The following GPHN variants were observed in gnomAD, a reference collection of about 807,000 sequenced individuals.
GPHN encodes gephyrin.
In GPHN, 17 loss-of-function variants were observed where a neutral mutation model predicts 95.5. The observed-to-expected ratio is 0.18, with a 90% CI of 0.12 to 0.27. The LOEUF (loss-of-function observed/expected upper bound fraction) is 0.27. GPHN is among the 10% of genes least tolerant of loss of function. GPHN has a pLI of 1.00. For synonymous variants in GPHN, 320 were observed against 322.5 expected, an observed-to-expected ratio of 0.99 and a Z score of 0.08; for missense variants, 660 against 978.1, an observed-to-expected ratio of 0.67 and a Z score of 4.34.
At chr14:67,040,357 C>T (rs149163786) in intron 10 of GPHN, among the ~76,000 whole-genome samples, 1,838 of 152,112 alleles carry the variant, frequency 0.012, 19 homozygotes, top group Non-Finnish European at 0.018. Flanking sequence ...TGCCTCTTTA[C>T]CCCTAAATAA....
At chr14:66,989,388 A>G (rs940341306) in intron 9 of GPHN, among the ~76,000 whole-genome samples, 5 of 152,148 alleles carry the variant, frequency 3.3e-5, no homozygotes, top group Admixed American at 6.5e-5. Context: ...TTTCTTTTCA[A>G]TGAAACTGAG....
At chr14:67,668,419 G>T in the GPHN span, among the ~76,000 whole-genome samples, 1 of 152,210 alleles carries the variant, frequency 6.6e-6, no homozygotes, top group African/African-American at 2.4e-5. Context: ...ATTGTCTCTA[G>T]TATCATTCAA....
intron 1 of GPHN, among the ~76,000 whole-genome samples, chr14:66,536,540 G>GTTATTTGAT (rs2059152995): frequency 6.3e-5 from 5 of 79,984 alleles, no homozygotes; most frequent in Admixed American, 4.9e-4. Context: ...ATTTTTGTCA[G>GTTATTTGAT]ATTTTGTTAT....
the GPHN span, among the ~76,000 whole-genome samples, chr14:67,431,837 C>T: frequency 6.6e-6 from 1 of 152,184 alleles, no homozygotes; most frequent in Non-Finnish European, 1.5e-5. Flanking sequence ...AGTCAGTGCC[C>T]ATACTCTAGA....
intron 11 of GPHN, among the ~76,000 whole-genome samples, chr14:67,072,431 C>T (rs1440594605): frequency 1.3e-5 from 2 of 152,020 alleles, no homozygotes; most frequent in African/African-American, 4.8e-5. Flanking sequence ...CTCATTAGAG[C>T]ACCTAGTGCT....
At chr14:67,705,928 A>T in the GPHN span, 1 of 152,244 alleles carries the variant, frequency 6.6e-6, no homozygotes, top group Non-Finnish European at 1.5e-5. Flanking sequence ...ATCATTAACT[A>T]TGTCAAGCAG....
rs545311406 is a variant in GPHN at position 66,508,903 on chromosome 14, G to C, written c.64+312G>C. Among the ~76,000 whole-genome samples, 125 of 152,282 alleles carry C rather than the reference G, an allele frequency of 8.2e-4. 1 individual carries two copies. Among genetic ancestry groups the C allele is most frequent in the Non-Finnish European group, 1.2e-3 (81 of 68,008 alleles). ...GGGCGCTGCGGGGCTCCGCGCTGTCGGTGCAGGCGGCGGGATCCCGGCTCC... is the reference window on the plus strand; with the variant it reads ...GGGCGCTGCGGGGCTCCGCGCTGTCCGTGCAGGCGGCGGGATCCCGGCTCC... On this transcript the variant is annotated intron_variant, in intron 1 of 22. Coordinates refer to ENST00000478722, the MANE Select transcript of GPHN (RefSeq NM_020806.5).
At chr14:66,576,484 C>CTT (rs5809319) in intron 1 of GPHN, among the ~76,000 whole-genome samples, 11,044 of 149,462 alleles carry the variant, frequency 0.074, 1,121 homozygotes, top group East Asian at 0.43. Flanking sequence ...CCTCTCTGTA[C>CTT]TTTTTTTTTT....
intron 2 of GPHN, among the ~76,000 whole-genome samples, chr14:66,728,737 G>A (rs770309528): frequency 6.6e-6 from 1 of 152,166 alleles, no homozygotes; most frequent in Non-Finnish European, 1.5e-5. Context: ...CTGGCTCATA[G>A]GTAAAAGGGA....
At chr14:66,988,182 G>C (rs2071152904) in intron 9 of GPHN, among the ~76,000 whole-genome samples, 1 of 151,844 alleles carries the variant, frequency 6.6e-6, no homozygotes, top group African/African-American at 2.4e-5. Flanking sequence ...GATTAAATTA[G>C]CAGGGTAGAG....
the GPHN span, chr14:67,600,242 A>G: frequency 1.7e-5 from 26 of 1,503,446 alleles, no homozygotes; most frequent in Non-Finnish European, 2.1e-5. Flanking sequence ...GCGGCGCTGC[A>G]CTGCGCTCGC....
the GPHN span, among the ~76,000 whole-genome samples, chr14:67,520,419 A>C: frequency 2.6e-5 from 4 of 152,230 alleles, no homozygotes; most frequent in African/African-American, 9.6e-5. Context: ...AATGTCATAT[A>C]GGTGAAATCA....
At chr14:66,562,747 C>T (rs1428049943) in intron 1 of GPHN, among the ~76,000 whole-genome samples, 3 of 152,026 alleles carry the variant, frequency 2.0e-5, no homozygotes, top group African/African-American at 7.2e-5. Context: ...GTAGATTCTT[C>T]TAGTGCTGTC....
In GPHN at chr14:66,855,504, C is replaced by T. The variant is rs1254910604; in HGVS notation, c.295-24435C>T. Among the ~76,000 whole-genome samples the T allele has an allele frequency of 2.6e-5, 4 of 152,050 alleles. No homozygotes were observed. In the East Asian group the frequency reaches 7.7e-4, roughly 29 times the overall value. On this transcript the variant is annotated intron_variant, in intron 4 of 22. Coordinates refer to ENST00000478722, the MANE Select transcript of GPHN (RefSeq NM_020806.5). ...GAATAATATTCTATTATATGTAATACCACAATTCATTTATCCGTTCATCTT... is the reference window on the plus strand; with the variant it reads ...GAATAATATTCTATTATATGTAATATCACAATTCATTTATCCGTTCATCTT...
chr14:67,284,103 C>T, the GPHN span, among the ~76,000 whole-genome samples: 1 of 152,132 alleles, frequency 6.6e-6, no homozygotes, highest in South Asian at 2.1e-4. Context: ...GTAAATGGCA[C>T]ACTACAGGTT....
At chr14:66,924,385 GTTTTA>G in intron 8 of GPHN, 93 bp downstream of exon 8, 1 of 760,666 alleles carries the variant, frequency 1.3e-6, no homozygotes. Flanking sequence ...AAGATGTGTT[GTTTTA>G]TTCTGATGGA....
the GPHN span, chr14:67,620,860 C>A: frequency 6.2e-7 from 1 of 1,612,616 alleles, no homozygotes; most frequent in Non-Finnish European, 8.5e-7. Context: ...GACACCTTCT[C>A]TACCTCTAAT....
chr14:67,674,451 C>T, the GPHN span: 1 of 1,609,382 alleles, frequency 6.2e-7, no homozygotes, highest in Non-Finnish European at 8.5e-7. Context: ...TCTCGTGCAG[C>T]TTCTCGAAAT....
At chr14:66,802,456 G>C (rs563797790) in intron 3 of GPHN, among the ~76,000 whole-genome samples, 1 of 152,212 alleles carries the variant, frequency 6.6e-6, no homozygotes, top group Admixed American at 6.5e-5. Context: ...TCAACCCCCT[G>C]TGGCCAAGTT....
Sources: allele counts gnomAD v4.1 joint callset (sites outside exome capture counted in the v4.1 genomes callset), GRCh38; gene constraint gnomAD v4.1.1; transcripts MANE v1.5; gene names NCBI Gene and HGNC (gene_info 2026-07-23, HGNC 2026-07-21).